The following PCDH15 variants were observed in gnomAD, a reference collection of about 807,000 sequenced individuals.
PCDH15 encodes protocadherin-15.
In PCDH15, 129 loss-of-function variants were observed where a neutral mutation model predicts 178.5. The observed-to-expected ratio is 0.72, with a 90% CI of 0.63 to 0.84. The LOEUF (loss-of-function observed/expected upper bound fraction) is 0.84. Among genes scored for constraint, PCDH15 ranks in the 40% least tolerant of loss-of-function variants. The pLI, the probability that PCDH15 is intolerant of heterozygous loss-of-function variation, is 0.00. For synonymous variants in PCDH15, 800 were observed against 732.0 expected (o/e 1.09, Z -1.50); for missense variants, 2,230 against 2,099.9 (o/e 1.06, Z -1.21).
chr10:54,201,266 A>T (rs1020497168), intron 10 of PCDH15, among the ~76,000 whole-genome samples: 2 of 152,180 alleles, frequency 1.3e-5, no homozygotes, highest in African/African-American at 4.8e-5. Flanking sequence ...AGTAAACTTG[A>T]GATGAAAAAA....
chr10:54,191,165 CTG>C (rs2048953267), intron 11 of PCDH15, among the ~76,000 whole-genome samples: 1 of 152,158 alleles, frequency 6.6e-6, no homozygotes. Flanking sequence ...GTGCTGGAAA[CTG>C]TGTTAGTTCT....
chr10:54,302,792 C>A (rs2060220064), intron 8 of PCDH15, among the ~76,000 whole-genome samples: 1 of 152,068 alleles, frequency 6.6e-6, no homozygotes, highest in African/African-American at 2.4e-5. Flanking sequence ...GACCTCAGAC[C>A]TTTCCATTTG....
chr10:55,436,923 T>TA (rs1346425580), intron 2 of PCDH15, among the ~76,000 whole-genome samples: 6 of 152,300 alleles, frequency 3.9e-5, no homozygotes, highest in East Asian at 1.9e-4. Context: ...TATCTTCTGT[T>TA]AAAAATGTTC....
intron 2 of PCDH15, among the ~76,000 whole-genome samples, chr10:55,013,405 G>A (rs1281716762): frequency 6.6e-6 from 1 of 152,116 alleles, no homozygotes; most frequent in Non-Finnish European, 1.5e-5. Flanking sequence ...ATTGGCACCT[G>A]GTTACCACAC....
chr10:54,364,599 TTA>T (rs1390165261), intron 5 of PCDH15, among the ~76,000 whole-genome samples: 2 of 152,180 alleles, frequency 1.3e-5, no homozygotes, highest in Admixed American at 6.6e-5. Context: ...TGTTCAAATC[TTA>T]TGTTTCCTTG....
At chr10:54,586,263 A>G (rs936221913) in intron 2 of PCDH15, among the ~76,000 whole-genome samples, 5 of 152,308 alleles carry the variant, frequency 3.3e-5, no homozygotes, top group South Asian at 2.1e-4. Flanking sequence ...GAAATATTCT[A>G]GAAATGGAGA....
At chr10:55,283,503 A>G (rs1313114714) in intron 1 of PCDH15, among the ~76,000 whole-genome samples, 1 of 151,874 alleles carries the variant, frequency 6.6e-6, no homozygotes, top group Non-Finnish European at 1.5e-5. Flanking sequence ...GGCTCTGTCA[A>G]GGCAGCGGGC....
rs1221675253 is a variant in PCDH15 at position 55,595,331 on chromosome 10, A to G, written c.-156+32294T>C. Among the ~76,000 whole-genome samples, 7 of 152,064 alleles carry G rather than the reference A, an allele frequency of 4.6e-5. No individual in the cohort carries two copies. The South Asian group carries it at 1.5e-3, about 32-fold the overall frequency. ...AACTTCATCTGTATTAACCAGCTTT[A>G]TACCACCAAAATGTCCCCCAAATTT... is the stretch of plus-strand genomic sequence containing the variant. On this transcript the variant is annotated intron_variant, in intron 2 of 5. Transcript: ENST00000613346.
intron 15 of PCDH15, among the ~76,000 whole-genome samples, chr10:54,113,198 T>C (rs557545777): frequency 2.6e-4 from 40 of 152,272 alleles, no homozygotes; most frequent in African/African-American, 8.9e-4. Flanking sequence ...ACAATAACAA[T>C]AGGCATTTGT....
chr10:53,995,553 A>G, intron 21 of PCDH15, 96 bp downstream of exon 21: 1 of 1,608,222 alleles, frequency 6.2e-7, no homozygotes, highest in Non-Finnish European at 8.5e-7. Flanking sequence ...TGAAATTTAC[A>G]GAGACTACTT....
chr10:54,064,634 A>G (rs1565165483), intron 18 of PCDH15, among the ~76,000 whole-genome samples: 1 of 152,162 alleles, frequency 6.6e-6, no homozygotes, highest in Non-Finnish European at 1.5e-5. Context: ...ATTGGCGCCC[A>G]AAGTTCACAG....
chr10:53,960,760 G>A (rs375138823), intron 22 of PCDH15, among the ~76,000 whole-genome samples: 5 of 152,304 alleles, frequency 3.3e-5, no homozygotes, highest in African/African-American at 1.2e-4. Flanking sequence ...CTGATCAGCT[G>A]TTCCAAACAG....
At chr10:55,078,789 C>T (rs538643964) in intron 2 of PCDH15, among the ~76,000 whole-genome samples, 1 of 152,024 alleles carries the variant, frequency 6.6e-6, no homozygotes, top group South Asian at 2.1e-4. Context: ...CCAAACCCCC[C>T]GTGGATCCCC....
At chr10:55,523,046 TAAC>T (rs1841220824) in intron 2 of PCDH15, among the ~76,000 whole-genome samples, 1 of 151,710 alleles carries the variant, frequency 6.6e-6, no homozygotes, top group South Asian at 2.1e-4. Context: ...TTTAAACTGA[TAAC>T]AACTTCAACT....
intron 22 of PCDH15, 119 bp from the exon 23 acceptor site, chr10:53,959,963 T>A (rs2088114276): frequency 3.8e-6 from 3 of 782,018 alleles, no homozygotes; most frequent in Non-Finnish European, 6.6e-6. Context: ...GAAGCAATGA[T>A]CATTTCCTCA....
At chr10:55,401,594 C>G (rs1343149857) in intron 2 of PCDH15, among the ~76,000 whole-genome samples, 4 of 133,114 alleles carry the variant, frequency 3.0e-5, no homozygotes, top group South Asian at 2.6e-4. Flanking sequence ...ATTTGCCTTA[C>G]TGTGTGTGTG....
In PCDH15 at chr10:55,626,576, C is replaced by T. The variant is rs185879405; in HGVS notation, c.-156+1049G>A. On this transcript the variant is annotated intron_variant, in intron 2 of 5. Transcript: ENST00000613346. ...TAAGGTTAACTTGCCGCTCTCTTTA[C>T]ACCTATGAATCCATATGCTTGCCAC... Among the ~76,000 whole-genome samples, 845 of 152,302 alleles carry T rather than the reference C, an allele frequency of 5.5e-3. 5 individuals carry two copies. Among genetic ancestry groups the T allele is most frequent in the Non-Finnish European group, 9.2e-3 (624 of 68,032 alleles).
At chr10:55,185,251 G>C (rs1393567144) in intron 1 of PCDH15, among the ~76,000 whole-genome samples, 1 of 151,752 alleles carries the variant, frequency 6.6e-6, no homozygotes, top group Non-Finnish European at 1.5e-5. Flanking sequence ...CAAATGTTTA[G>C]GTGGTATACA....
At chr10:55,485,953 T>A (rs887556802) in intron 2 of PCDH15, among the ~76,000 whole-genome samples, 11 of 151,696 alleles carry the variant, frequency 7.3e-5, no homozygotes, top group African/African-American at 2.4e-4. Context: ...AAAAATCCTG[T>A]ATTTCTAGGC....
Sources: gnomAD v4.1 joint callset for allele counts (sites outside exome capture counted in the v4.1 genomes callset) on GRCh38, gnomAD v4.1.1 for gene constraint, MANE v1.5 for transcripts, NCBI Gene and HGNC (gene_info 2026-07-23, HGNC 2026-07-21) for gene names.